Variants in TOX2 observed in about 807,000 individuals in gnomAD.
TOX2 encodes granulosa cell HMG box 1.
A neutral mutation model predicts 47.4 loss-of-function variants in TOX2; 15 were observed. The observed-to-expected ratio is 0.32, with a 90% CI of 0.21 to 0.49. TOX2 has a LOEUF of 0.49. TOX2 is among the 20% of genes least tolerant of loss of function. The probability of loss-of-function intolerance (pLI) is 0.99; values close to 1 mark genes in which losing one functional copy is unlikely to be tolerated. For synonymous variants in TOX2, 290 were observed against 296.6 expected (o/e 0.98, Z 0.23); for missense variants, 622 against 673.1 (o/e 0.92, Z 0.84).
chr20:44,067,963 G>T (rs1555121), intron 8 of TOX2, among the ~76,000 whole-genome samples: 2 of 152,090 alleles, frequency 1.3e-5, no homozygotes, highest in African/African-American at 2.4e-5. Flanking sequence ...CCCTAGCCTC[G>T]GCCTCCCAGC....
At chr20:44,059,998 GT>G (rs1324600178) in intron 5 of TOX2, among the ~76,000 whole-genome samples, 1 of 152,146 alleles carries the variant, frequency 6.6e-6, no homozygotes, top group Admixed American at 6.5e-5. Context: ...AGTATCTGCT[GT>G]CTTCAAGAGA....
chr20:43,936,780 A>G (rs545421441), intron 1 of TOX2, among the ~76,000 whole-genome samples: 2 of 152,242 alleles, frequency 1.3e-5, no homozygotes, highest in Non-Finnish European at 2.9e-5. Context: ...AAATACAAGC[A>G]TATGGCCAAG....
chr20:43,953,440 C>T (rs1348003718), intron 1 of TOX2, among the ~76,000 whole-genome samples: 3 of 152,184 alleles, frequency 2.0e-5, no homozygotes, highest in African/African-American at 4.8e-5. Flanking sequence ...AGAGGTGTCT[C>T]TTAACATAGT....
chr20:44,039,262 G>A (rs1449407501), intron 3 of TOX2: 3 of 1,289,350 alleles, frequency 2.3e-6, no homozygotes, highest in African/African-American at 1.5e-5. Flanking sequence ...ACAGAGGGCA[G>A]GTGTCCAGTC....
In TOX2 at chr20:44,052,007, C is replaced by T. The variant is rs112715595; in HGVS notation, c.651+462C>T. On this transcript the variant is annotated intron_variant, in intron 4 of 8. Transcript: ENST00000341197. ...AGACTGACTCCTGAAGGCCAGTGGG[C>T]GATTTCAGAGGTGTGGACGGCTTCA... Among the ~76,000 whole-genome samples the T allele has an allele frequency of 3.6e-3, 553 of 152,270 alleles. 5 individuals are homozygous for T. The highest frequency in any genetic ancestry group is 0.012 in the African/African-American group (481 of 41,556).
At chr20:44,064,214 T>C (rs1048597423) in intron 5 of TOX2, among the ~76,000 whole-genome samples, 7 of 152,228 alleles carry the variant, frequency 4.6e-5, no homozygotes, top group Non-Finnish European at 1.0e-4. Flanking sequence ...TGTGCTTGTC[T>C]TATTGGCCAA....
intron 2 of TOX2, among the ~76,000 whole-genome samples, chr20:44,000,369 G>A (rs1005073659): frequency 9.2e-5 from 14 of 152,302 alleles, no homozygotes; most frequent in South Asian, 2.1e-4. Flanking sequence ...GACACATTTC[G>A]TGTAGGATGT....
intron 1 of TOX2, among the ~76,000 whole-genome samples, chr20:43,943,702 T>A (rs1224516762): frequency 1.3e-5 from 2 of 152,262 alleles, no homozygotes; most frequent in East Asian, 3.8e-4. Flanking sequence ...GAAAGATTTT[T>A]ACCTTTGTGT....
intron 3 of TOX2, among the ~76,000 whole-genome samples, chr20:44,021,538 T>C (rs1441072043): frequency 8.5e-5 from 13 of 152,182 alleles, no homozygotes; most frequent in African/African-American, 3.1e-4. Context: ...CCTTGTGAAC[T>C]TGACACCTTC....
chr20:44,064,324 A>G (rs890271252), intron 5 of TOX2, among the ~76,000 whole-genome samples: 1 of 152,262 alleles, frequency 6.6e-6, no homozygotes, highest in African/African-American at 2.4e-5. Context: ...GACCAGTCCT[A>G]CAATAACATA....
rs2071827071 is a variant in TOX2 at position 44,066,618 on chromosome 20, A to C, written c.1357-112A>C. ...GCAAGGCAGCAGCCCTGGAGGCAGCATCTCTTTGGTGTGGACACCCTTGGA... is the reference window on the plus strand; with the variant it reads ...GCAAGGCAGCAGCCCTGGAGGCAGCCTCTCTTTGGTGTGGACACCCTTGGA... On this transcript the variant is annotated intron_variant, in intron 7 of 8. Transcript: ENST00000341197. 2.6e-6 allele frequency: 4 copies of C among 1,526,422 alleles called. No individual in the cohort carries two copies. In the East Asian group the frequency reaches 9.0e-5, roughly 34 times the overall value. 94.6% of individuals were successfully genotyped at this position (1,526,422 alleles called of 1,614,324 possible).
intron 1 of TOX2, among the ~76,000 whole-genome samples, chr20:43,969,082 AC>A (rs1340193039): frequency 6.6e-6 from 1 of 152,188 alleles, no homozygotes; most frequent in Admixed American, 6.5e-5. Flanking sequence ...ATATGGGCAC[AC>A]CCTGCTTTCC....
At chr20:43,967,810 T>C (rs2069886317) in intron 1 of TOX2, among the ~76,000 whole-genome samples, 2 of 152,230 alleles carry the variant, frequency 1.3e-5, no homozygotes, top group South Asian at 4.1e-4. Flanking sequence ...CTGTTAATAT[T>C]TTTAAACAGT....
intron 1 of TOX2, among the ~76,000 whole-genome samples, chr20:43,934,952 G>A (rs933052554): frequency 6.6e-6 from 1 of 152,086 alleles, no homozygotes; most frequent in Non-Finnish European, 1.5e-5. Context: ...GTGGGGCAGA[G>A]GCCAGGCTAA....
intron 1 of TOX2, among the ~76,000 whole-genome samples, chr20:43,937,461 G>A (rs2069340978): frequency 6.6e-6 from 1 of 152,138 alleles, no homozygotes; most frequent in Admixed American, 6.5e-5. Context: ...TCAGTTTGAG[G>A]AAGGGGGAGG....
chr20:43,998,119 A>G (rs1454767079), intron 2 of TOX2, among the ~76,000 whole-genome samples: 1 of 152,224 alleles, frequency 6.6e-6, no homozygotes, highest in African/African-American at 2.4e-5. Context: ...ACATATTCAC[A>G]TGGCAGCAGG....
At chr20:43,960,765 C>T (rs180925675) in intron 1 of TOX2, among the ~76,000 whole-genome samples, 39 of 152,332 alleles carry the variant, frequency 2.6e-4, no homozygotes, top group Admixed American at 1.8e-3. Context: ...ACTCCTGTCT[C>T]CTACCCTGTG....
Position 43,916,335 on chromosome 20 carries a change from C to A in TOX2, c.99+1345C>A. On this transcript the variant is annotated intron_variant, in intron 1 of 8. Coordinates refer to ENST00000341197, the MANE Select transcript of TOX2 (RefSeq NM_001098797.2). The surrounding 1 kb of genome is among the most constrained non-coding windows in gnomAD (Gnocchi z 5.0). ...AGGCGTCCCGGCGCGGATCCCGGGG[C>A]CTCCCGGGCTGGGCCTCCCTGAGTG... The A allele has an allele frequency of 1.4e-6, 1 of 724,874 alleles. No homozygotes were observed. Among genetic ancestry groups the A allele is most frequent in the Non-Finnish European group, 1.7e-6 (1 of 592,070 alleles). The allele number at this position is 724,874 out of a possible 1,614,324, so 44.9% of individuals were successfully genotyped here. A position where few individuals can be genotyped will look rare whatever the true frequency, so the allele number is the denominator to read the frequency against.
At chr20:43,924,428 A>T (rs765851140) in intron 1 of TOX2, among the ~76,000 whole-genome samples, 1 of 151,288 alleles carries the variant, frequency 6.6e-6, no homozygotes, top group Non-Finnish European at 1.5e-5. Flanking sequence ...GAGCTGTCAC[A>T]TATCTTCCTG....
Sources: allele counts gnomAD v4.1 joint callset (sites outside exome capture counted in the v4.1 genomes callset), GRCh38; gene constraint gnomAD v4.1.1; non-coding constraint Gnocchi (gnomAD v3.1); transcripts MANE v1.5; gene names NCBI Gene and HGNC (gene_info 2026-07-23, HGNC 2026-07-21).